KANSL1L: variants seen among roughly 807,000 people sequenced by gnomAD.
KANSL1L encodes the protein KAT8 regulatory NSL complex subunit 1 like, also known as KAT8 regulatory NSL complex subunit 1-like protein.
Under a neutral mutation model 108.6 loss-of-function variants are expected in KANSL1L, and 25 were observed. The ratio of observed to expected loss-of-function variants is 0.23; its 90% confidence interval spans 0.17 to 0.32. The LOEUF is 0.32. Among genes scored for constraint, KANSL1L ranks in the 10% least tolerant of loss-of-function variants. KANSL1L has a pLI of 1.00. For synonymous variants in KANSL1L, 405 were observed against 395.1 expected, an observed-to-expected ratio of 1.03 and a Z score of -0.30; for missense variants, 1,137 against 1,125.7, an observed-to-expected ratio of 1.01 and a Z score of -0.14.
chr2:210,132,750 A>G (rs1256286713), intron 2 of KANSL1L, among the ~76,000 whole-genome samples: 2 of 152,136 alleles, frequency 1.3e-5, no homozygotes, highest in African/African-American at 4.8e-5. Flanking sequence ...CTTTGCATCT[A>G]TAGTCAAAGA....
chr2:210,083,282 G>C (rs548312479), intron 5 of KANSL1L, among the ~76,000 whole-genome samples: 33 of 152,192 alleles, frequency 2.2e-4, no homozygotes, highest in African/African-American at 7.0e-4. Context: ...GTTATTTTAA[G>C]CCACAAAATT....
intron 8 of KANSL1L, among the ~76,000 whole-genome samples, chr2:210,037,488 T>G (rs2094119651): frequency 6.6e-6 from 1 of 152,236 alleles, no homozygotes; most frequent in Non-Finnish European, 1.5e-5. Context: ...TTTTCTGTAT[T>G]TCTTTAGGCT....
At chr2:210,141,070 T>C (rs1012474642) in intron 2 of KANSL1L, among the ~76,000 whole-genome samples, 1 of 152,098 alleles carries the variant, frequency 6.6e-6, no homozygotes, top group African/African-American at 2.4e-5. Context: ...TTAACTTCTT[T>C]CCCTGATTTG....
intron 4 of KANSL1L, 70 bp from the exon 5 acceptor site, chr2:210,098,277 G>C: frequency 7.0e-7 from 1 of 1,432,688 alleles, no homozygotes; most frequent in Non-Finnish European, 9.6e-7. Context: ...GATGCATAGT[G>C]CCAATTAATC....
chr2:210,103,748 TCAAA>T (rs1405066303), intron 4 of KANSL1L, among the ~76,000 whole-genome samples: 1 of 152,162 alleles, frequency 6.6e-6, no homozygotes, highest in African/African-American at 2.4e-5. Context: ...AATAAATTAG[TCAAA>T]CAACCATTCA....
intron 5 of KANSL1L, among the ~76,000 whole-genome samples, chr2:210,081,385 A>T (rs1438276913): frequency 6.6e-6 from 1 of 152,128 alleles, no homozygotes; most frequent in East Asian, 1.9e-4. Context: ...ATAATCATCT[A>T]ACTCTCAGAT....
intron 8 of KANSL1L, among the ~76,000 whole-genome samples, chr2:210,039,089 A>C (rs947992330): frequency 1.3e-5 from 2 of 151,900 alleles, no homozygotes; most frequent in Non-Finnish European, 2.9e-5. Context: ...AGTGATTATA[A>C]CTTCATAGTC....
intron 5 of KANSL1L, among the ~76,000 whole-genome samples, chr2:210,093,498 C>G (rs1435299634): frequency 1.3e-5 from 2 of 151,988 alleles, no homozygotes; most frequent in African/African-American, 2.4e-5. Context: ...CTTGATTTTG[C>G]TGGATTTGGT....
intron 2 of KANSL1L, among the ~76,000 whole-genome samples, chr2:210,133,714 T>C (rs2095148200): frequency 6.6e-6 from 1 of 152,138 alleles, no homozygotes; most frequent in African/African-American, 2.4e-5. Context: ...AGTAATTTAG[T>C]AGCTGCATCC....
intron 6 of KANSL1L, among the ~76,000 whole-genome samples, chr2:210,056,309 C>G (rs1332538054): frequency 6.6e-6 from 1 of 152,188 alleles, no homozygotes; most frequent in Non-Finnish European, 1.5e-5. Context: ...TCTCTCCCCG[C>G]TGCAAATTGC....
At chr2:210,101,672 C>A (rs1414456190) in intron 4 of KANSL1L, among the ~76,000 whole-genome samples, 3 of 152,066 alleles carry the variant, frequency 2.0e-5, no homozygotes, top group Non-Finnish European at 4.4e-5. Context: ...TGGTCAAGTG[C>A]ATTATAATTT....
intron 2 of KANSL1L, among the ~76,000 whole-genome samples, chr2:210,130,767 G>T (rs574379207): frequency 6.6e-6 from 1 of 151,912 alleles, no homozygotes; most frequent in Non-Finnish European, 1.5e-5. Context: ...GCATGCTAGC[G>T]CGTAGCATTT....
At chr2:210,024,223 C>A (rs768497010) in intron 13 of KANSL1L, 22 bp from the exon 14 acceptor site, 2 of 1,519,098 alleles carry the variant, frequency 1.3e-6, no homozygotes, top group South Asian at 2.5e-5. Flanking sequence ...ATCAGGAAAA[C>A]ACAATTATTT....
chr2:210,133,394 C>A (rs890251504), intron 2 of KANSL1L, among the ~76,000 whole-genome samples: 1 of 151,958 alleles, frequency 6.6e-6, no homozygotes, highest in Admixed American at 6.6e-5. Context: ...AGATACAGAA[C>A]CTGGGAATAC....
At chr2:210,138,499 A>G (rs1011494409) in intron 2 of KANSL1L, among the ~76,000 whole-genome samples, 7 of 152,188 alleles carry the variant, frequency 4.6e-5, no homozygotes, top group Non-Finnish European at 7.3e-5. Context: ...AAAGTTAATG[A>G]TATCAATTCT....
chr2:210,137,039 A>G (rs907913187), intron 2 of KANSL1L, among the ~76,000 whole-genome samples: 3 of 152,174 alleles, frequency 2.0e-5, no homozygotes, highest in Non-Finnish European at 4.4e-5. Flanking sequence ...TGGCATTTGT[A>G]CCTAAAATAA....
At chr2:210,094,814 A>G (rs1025981927) in intron 5 of KANSL1L, among the ~76,000 whole-genome samples, 4 of 151,944 alleles carry the variant, frequency 2.6e-5, no homozygotes, top group African/African-American at 9.7e-5. Context: ...AAACATATTT[A>G]TAGTTAAGGG....
At chr2:210,079,646 A>ATATATATATGTATATGTATGTG (rs1559539677) in intron 5 of KANSL1L, among the ~76,000 whole-genome samples, 1 of 13,128 alleles carries the variant, frequency 7.6e-5, no homozygotes, top group Non-Finnish European at 1.3e-4. Context: ...ATATATATAT[A>ATATATATATGTATATGTATGTG]TATATATATA....
At chr2:210,052,323 C>T (rs1195906238) in intron 6 of KANSL1L, among the ~76,000 whole-genome samples, 1 of 152,036 alleles carries the variant, frequency 6.6e-6, no homozygotes, top group Non-Finnish European at 1.5e-5. Context: ...TTTCTAAAGG[C>T]ACTTTTTTTT....
Sources: allele counts gnomAD v4.1 joint callset (sites outside exome capture counted in the v4.1 genomes callset), GRCh38; gene constraint gnomAD v4.1.1; transcripts MANE v1.5; gene names NCBI Gene and HGNC (gene_info 2026-07-23, HGNC 2026-07-21).